Variants in PVT1 observed in about 807,000 individuals in gnomAD.
PVT1 encodes Pvt1 oncogene.
At chr8:128,026,024 T>C (rs938093527) in intron 4 of PVT1, among the ~76,000 whole-genome samples, 1 of 152,024 alleles carries the variant, frequency 6.6e-6, no homozygotes, top group African/African-American at 2.4e-5. Context: ...TGATCTCAGC[T>C]CACTGCAACC....
At chr8:127,944,608 CA>C (rs1184085662) in intron 3 of PVT1, among the ~76,000 whole-genome samples, 1 of 150,228 alleles carries the variant, frequency 6.7e-6, no homozygotes, top group Non-Finnish European at 1.5e-5. Flanking sequence ...ATCAGGCATT[CA>C]GGGGAAGGAG....
intron 2 of PVT1, among the ~76,000 whole-genome samples, chr8:127,826,010 C>T (rs928906287): frequency 7.8e-6 from 1 of 128,374 alleles, no homozygotes; most frequent in African/African-American, 3.2e-5. Flanking sequence ...GCCACCATGC[C>T]CAGCTTTTTT....
chr8:127,947,443 C>T, intron 3 of PVT1: 1 of 320,626 alleles, frequency 3.1e-6, no homozygotes, highest in Non-Finnish European at 6.2e-6. Context: ...TGTGGTCTGT[C>T]CTTTGTAACT....
chr8:128,078,118 G>A lies in PVT1; in HGVS notation n.1114+7757G>A, dbSNP rs556016702. 4.0e-4 allele frequency among the ~76,000 whole-genome samples: 61 copies of A among 152,252 alleles called. No homozygotes were observed. The South Asian group carries it at 0.011, about 28-fold the overall frequency. On this transcript the variant is annotated intron_variant and non_coding_transcript_variant, in intron 5 of 10. Coordinates refer to ENST00000651587, the Ensembl canonical transcript of PVT1. ...GGTCCCAGCCTCTTAAACAGTTAGC[G>A]TGCCTGTCCACGATTAGAAATGTCA...
intron 3 of PVT1, chr8:127,989,045 C>T (rs1817001604): frequency 6.6e-6 from 1 of 152,236 alleles, no homozygotes; most frequent in Admixed American, 6.5e-5. Flanking sequence ...TTGTGCTCCT[C>T]ATTCAGTGTA....
intron 2 of PVT1, among the ~76,000 whole-genome samples, chr8:127,816,961 A>G (rs965628132): frequency 3.9e-5 from 6 of 152,176 alleles, no homozygotes; most frequent in African/African-American, 1.4e-4. Context: ...AACTGACCAC[A>G]GTTGATTGAT....
chr8:128,081,694 G>A (rs1346320132), intron 5 of PVT1, among the ~76,000 whole-genome samples: 1 of 152,096 alleles, frequency 6.6e-6, no homozygotes, highest in Non-Finnish European at 1.5e-5. Context: ...ATGGCACCGT[G>A]AGTATAATAG....
chr8:127,826,082 A>G (rs1814786038), intron 2 of PVT1, among the ~76,000 whole-genome samples: 1 of 135,516 alleles, frequency 7.4e-6, no homozygotes, highest in Admixed American at 8.2e-5. Context: ...CCAGTTTCGA[A>G]CTCCTTGGCT....
At chr8:128,085,894 A>G (rs1814249917) in intron 5 of PVT1, among the ~76,000 whole-genome samples, 1 of 152,246 alleles carries the variant, frequency 6.6e-6, no homozygotes, top group Admixed American at 6.5e-5. Flanking sequence ...GGAGACATTA[A>G]AGCAAATGTA....
intron 4 of PVT1, among the ~76,000 whole-genome samples, chr8:128,006,930 C>A (rs1035215118): frequency 2.0e-5 from 3 of 152,186 alleles, no homozygotes; most frequent in Non-Finnish European, 2.9e-5. Context: ...ATTCTAGGCT[C>A]AGTGTACACT....
intron 3 of PVT1, among the ~76,000 whole-genome samples, chr8:127,908,213 TG>T (rs1815846274): frequency 6.6e-6 from 1 of 152,134 alleles, no homozygotes; most frequent in Non-Finnish European, 1.5e-5. Flanking sequence ...CAGTCCTTTC[TG>T]GGCATCCCAG....
intron 3 of PVT1, among the ~76,000 whole-genome samples, chr8:127,905,265 G>A (rs903274304): frequency 6.6e-6 from 1 of 151,502 alleles, no homozygotes; most frequent in Non-Finnish European, 1.5e-5. Context: ...TCCCACTCAG[G>A]AACATGGGCA....
chr8:127,825,307 C>A (rs746417028), intron 2 of PVT1, among the ~76,000 whole-genome samples: 21 of 152,034 alleles, frequency 1.4e-4, no homozygotes, highest in Non-Finnish European at 2.4e-4. Flanking sequence ...GCATGTTGTT[C>A]AGTTGTTTCC....
At chr8:127,930,521 C>T (rs1473349328) in intron 3 of PVT1, among the ~76,000 whole-genome samples, 1 of 152,134 alleles carries the variant, frequency 6.6e-6, no homozygotes, top group African/African-American at 2.4e-5. Context: ...TAAATTTACT[C>T]AGGGTTTGAC....
intron 4 of PVT1, among the ~76,000 whole-genome samples, chr8:128,036,459 G>C (rs1415210811): frequency 6.6e-6 from 1 of 152,200 alleles, no homozygotes; most frequent in African/African-American, 2.4e-5. Flanking sequence ...TGTCTGCAGA[G>C]GTGTTCTGGG....
chr8:128,044,159 T>A (rs979312467), intron 4 of PVT1, among the ~76,000 whole-genome samples: 21 of 151,714 alleles, frequency 1.4e-4, no homozygotes, highest in Non-Finnish European at 2.5e-4. Flanking sequence ...CCAAACATCT[T>A]ATTGGACAAG....
At chr8:127,973,047 A>G (rs1169915399) in intron 3 of PVT1, among the ~76,000 whole-genome samples, 1 of 152,166 alleles carries the variant, frequency 6.6e-6, no homozygotes, top group East Asian at 1.9e-4. Context: ...TCATGCCACA[A>G]TGTCCAGTTA....
At chr8:127,883,907 T>C (rs927467493) in intron 2 of PVT1, among the ~76,000 whole-genome samples, 7 of 152,256 alleles carry the variant, frequency 4.6e-5, no homozygotes, top group African/African-American at 1.7e-4. Context: ...CAGGGAAACC[T>C]GGAAGCTGCC....
intron 4 of PVT1, among the ~76,000 whole-genome samples, chr8:128,057,738 C>T (rs1392641290): frequency 2.6e-5 from 4 of 152,164 alleles, no homozygotes; most frequent in African/African-American, 7.2e-5. Flanking sequence ...CCTTGTAGAA[C>T]GAGGTTCGGA....
Sources: allele counts gnomAD v4.1 joint callset (sites outside exome capture counted in the v4.1 genomes callset), GRCh38; gene constraint gnomAD v4.1.1; transcripts MANE v1.5; gene names NCBI Gene and HGNC (gene_info 2026-07-23, HGNC 2026-07-21).